RPS6KB2: variants seen among roughly 807,000 people sequenced by gnomAD.
RPS6KB2 encodes ribosomal protein S6 kinase beta-2.
A neutral mutation model predicts 58.2 loss-of-function variants in RPS6KB2; 51 were observed. That is an observed-to-expected ratio of 0.88 (90% CI 0.70 to 1.11). The LOEUF (loss-of-function observed/expected upper bound fraction) is 1.11, where lower values mean the gene tolerates loss of function less well. Among genes scored for constraint, RPS6KB2 ranks in the 50% least tolerant of loss-of-function variants. The pLI, the probability that RPS6KB2 is intolerant of heterozygous loss-of-function variation, is 0.00. For synonymous variants in RPS6KB2, 293 were observed against 258.6 expected, an observed-to-expected ratio of 1.13 and a Z score of -1.28; for missense variants, 671 against 655.8, an observed-to-expected ratio of 1.02 and a Z score of -0.25.
Position 67,435,094 on chromosome 11 carries a change from C to T in RPS6KB2, c.1374C>T (p.Thr458=), listed in dbSNP as rs774987086. 1.2e-6 allele frequency: 2 copies of T among 1,609,428 alleles called. No individual in the cohort carries two copies. The highest frequency in any genetic ancestry group is 1.7e-6 in the Non-Finnish European group (2 of 1,179,328). The change falls in exon 15 of 15, where the codon ACC becomes ACT. Residue 458 remains threonine (T), a synonymous_variant. Transcript: ENST00000312629. ...TCCTGCCACCGCCGCCGCCCTCGAC[C>T]ACCGCCCCTCTCCCCATCCGTCCCC... The part of the protein sequence containing the change: ...PPLLPPPPPS[T]TAPLPIRPPS...
At position 67,434,450 on chromosome 11, in the gene RPS6KB2, C is replaced by T; in HGVS notation, c.1121C>T (p.Thr374Ile). 1 of 1,612,850 alleles carries T rather than the reference C, an allele frequency of 6.2e-7. No individual in the cohort carries two copies. The highest frequency in any genetic ancestry group is 1.1e-5 in the South Asian group (1 of 91,076). The change falls in exon 13 of 15, where the codon ACA becomes ATA. Residue 374 changes from threonine to isoleucine, a missense_variant. Coordinates refer to ENST00000312629, the MANE Select transcript of RPS6KB2 (RefSeq NM_003952.3). ...ACGCCGGTGGACAGTCCTGATGACA[C>T]AGCCCTCAGCGAGAGTGCCAACCAG... is the stretch of plus-strand genomic sequence containing the variant. ...RQTPVDSPDD[T>I]ALSESANQAF... is the part of the protein sequence containing the mutation.
In RPS6KB2 at chr11:67,433,182, T is replaced by TG; in HGVS notation, c.769dup (p.Ala257GlyfsTer24). ...AACCGGGCTGTGGACTGGTGGAGCC[T>TG]GGGGGCCCTGATGTACGACATGCTC... On this transcript the variant is annotated frameshift_variant, in exon 9 of 15. Transcript: ENST00000312629. LOFTEE classifies it high-confidence loss of function. 1.2e-6 allele frequency: 2 copies of TG among 1,605,410 alleles called. No homozygotes were observed. The highest frequency in any genetic ancestry group is 1.7e-6 in the Non-Finnish European group (2 of 1,177,938).
chr11:67,435,133 G>C lies in RPS6KB2; in HGVS notation c.1413G>C (p.Lys471Asn). The change falls in exon 15 of 15, where the codon AAG becomes AAC. Residue 471 changes from lysine to asparagine, a missense_variant. Physicochemically the swap from Lys to Asn is moderately conservative, Grantham distance 94. Coordinates refer to ENST00000312629, the MANE Select transcript of RPS6KB2 (RefSeq NM_003952.3). ...PLPIRPPSGT[K>N]KSKRGRGRPG... ...CCATCCGTCCCCCCTCAGGGACCAA[G>C]AAGTCCAAGAGGGGCCGTGGGCGTC... is the stretch of plus-strand genomic sequence containing the variant. 1 of 1,600,788 alleles carries C rather than the reference G, an allele frequency of 6.2e-7. No individual in the cohort carries two copies. The highest frequency in any genetic ancestry group is 8.5e-7 in the Non-Finnish European group (1 of 1,177,128).
chr11:67,434,852 G>A (rs953813848), intron 14 of RPS6KB2, 137 bp from the exon 15 acceptor site: 14 of 1,034,984 alleles, frequency 1.4e-5, no homozygotes, highest in Non-Finnish European at 2.0e-5. Context: ...CTTGTGGCCA[G>A]GCTGCCTGGA....
intron 14 of RPS6KB2, 69 bp from the exon 15 acceptor site, chr11:67,434,920 C>A (rs905407954): frequency 1.4e-6 from 2 of 1,464,060 alleles, no homozygotes; most frequent in Non-Finnish European, 1.9e-6. Flanking sequence ...GGCTGCCTTC[C>A]CTGACTGAGT....
Position 67,428,542 on chromosome 11 carries a change from C to T in RPS6KB2, c.-4C>T. 6.2e-7 allele frequency: 1 copy of T among 1,606,088 alleles called. No homozygotes were observed. The highest frequency in any genetic ancestry group is 8.5e-7 in the Non-Finnish European group (1 of 1,176,472). On this transcript the variant is annotated 5_prime_UTR_variant, in exon 1 of 15. Coordinates refer to ENST00000312629, the MANE Select transcript of RPS6KB2 (RefSeq NM_003952.3). ...GCCGACGGGCCCGCGGGGCCGGCGCCGCCATGGCGGCCGTGTTTGATTTGG... is the reference window on the plus strand; with the variant it reads ...GCCGACGGGCCCGCGGGGCCGGCGCTGCCATGGCGGCCGTGTTTGATTTGG...
In RPS6KB2 at chr11:67,428,532, G is replaced by T. The variant is rs1863914607; in HGVS notation, c.-14G>T. The T allele has an allele frequency of 6.2e-7, 1 of 1,601,604 alleles. No individual in the cohort carries two copies. Among genetic ancestry groups the T allele is most frequent in the Non-Finnish European group, 8.5e-7 (1 of 1,174,142 alleles). On this transcript the variant is annotated 5_prime_UTR_variant, in exon 1 of 15. Coordinates refer to ENST00000312629, the MANE Select transcript of RPS6KB2 (RefSeq NM_003952.3). ...CCAGGTACGGGCCGACGGGCCCGCGGGGCCGGCGCCGCCATGGCGGCCGTG... is the reference window on the plus strand; with the variant it reads ...CCAGGTACGGGCCGACGGGCCCGCGTGGCCGGCGCCGCCATGGCGGCCGTG...
At position 67,435,325 on chromosome 11, in the gene RPS6KB2, G is replaced by C; in HGVS notation, c.*156G>C. ...TGTCTGCTGGGGCAGCTGTGCCCCT[G>C]AATCATGGGCACGGAGGGCCGCCCG... On this transcript the variant is annotated 3_prime_UTR_variant, in exon 15 of 15. Transcript: ENST00000312629. 1 of 770,888 alleles carries C rather than the reference G, an allele frequency of 1.3e-6. No individual in the cohort carries two copies. The highest frequency in any genetic ancestry group is 1.9e-5 in the South Asian group (1 of 52,932). 47.8% of individuals were successfully genotyped at this position (770,888 alleles called of 1,614,324 possible).
chr11:67,431,576 G>C, intron 5 of RPS6KB2, 61 bp downstream of exon 5: 1 of 1,559,808 alleles, frequency 6.4e-7, no homozygotes, highest in Non-Finnish European at 8.8e-7. Flanking sequence ...AGCCAGCAAA[G>C]GAAGCTCTGG....
intron 4 of RPS6KB2, chr11:67,430,657 C>A (rs1435744868): frequency 6.6e-6 from 1 of 152,086 alleles, no homozygotes; most frequent in Non-Finnish European, 1.5e-5. Context: ...TGGTCTCGAA[C>A]TCCTGACCTC....
Position 67,433,835 on chromosome 11 carries a change from T to C in RPS6KB2, c.907-160T>C, listed in dbSNP as rs139923587. Among the ~76,000 whole-genome samples the C allele has an allele frequency of 2.2e-3, 333 of 152,330 alleles. 1 individual carries two copies. Among genetic ancestry groups the C allele is most frequent in the African/African-American group, 7.7e-3 (321 of 41,568 alleles). ...AGCCTTTGTGGAGAAGGTGGCTCCA[T>C]TGACCAAACCTTGAAAGCCCTGAGG... On this transcript the variant is annotated intron_variant, in intron 10 of 14. Coordinates refer to ENST00000312629, the MANE Select transcript of RPS6KB2 (RefSeq NM_003952.3).
In RPS6KB2 at chr11:67,428,605, G is replaced by T. The variant is rs886933958; in HGVS notation, c.60G>T (p.Glu20Asp). ...ETEEGSEGEG[E>D]PELSPADACP... ...AGGAAGGCAGCGAGGGCGAGGGCGA[G>T]CCAGAGCTCAGCCCCGCGGTGAGTG... The change falls in exon 1 of 15, where the codon GAG (glutamate) becomes GAT (aspartate). Residue 20 changes from glutamate to aspartate, a missense_variant. Transcript: ENST00000312629. 33 of 1,610,794 alleles carry T rather than the reference G, an allele frequency of 2.0e-5. No homozygotes were observed. The East Asian group carries it at 7.4e-4, about 36-fold the overall frequency.
chr11:67,432,401 C>T (rs1864056612), intron 5 of RPS6KB2, 199 bp from the exon 6 acceptor site: 1 of 704,296 alleles, frequency 1.4e-6, no homozygotes, highest in Non-Finnish European at 2.6e-6. Context: ...ATCCTGTCCC[C>T]AGCTTCACCC....
chr11:67,434,723 G>A, intron 14 of RPS6KB2, 29 bp downstream of exon 14: 1 of 1,536,784 alleles, frequency 6.5e-7, no homozygotes, highest in Admixed American at 1.9e-5. Flanking sequence ...GTGTGTGGCT[G>A]GGTTAGGGAC....
chr11:67,431,919 G>A (rs1403845287), intron 5 of RPS6KB2: 4 of 270,478 alleles, frequency 1.5e-5, no homozygotes, highest in Non-Finnish European at 2.9e-5. Flanking sequence ...GGCCTGGTGG[G>A]GTGGCCAGAG....
At chr11:67,432,234 T>A (rs187567676) in intron 5 of RPS6KB2, 2 of 507,766 alleles carry the variant, frequency 3.9e-6, no homozygotes, top group East Asian at 5.3e-5. Context: ...TCTGTTCTGT[T>A]CTGTTGGGAT....
chr11:67,435,360 G>A lies in RPS6KB2; in HGVS notation c.*191G>A, dbSNP rs1037401263. 72 of 625,458 alleles carry A rather than the reference G, an allele frequency of 1.2e-4. No individual in the cohort carries two copies. The highest frequency in any genetic ancestry group is 6.8e-4 in the African/African-American group (37 of 54,330). The allele number at this position is 625,458 out of a possible 1,614,324, so 38.7% of individuals were successfully genotyped here. A position where few individuals can be genotyped will look rare whatever the true frequency, so the allele number is the denominator to read the frequency against. The stretch of plus-strand genomic sequence containing the variant: ...CACGGAGGGCCGCCCGCCACGCCCC[G>A]CGCTCAACTGCTCCCGTGGAAGATT... On this transcript the variant is annotated 3_prime_UTR_variant, in exon 15 of 15. Transcript: ENST00000312629.
chr11:67,435,285 G>A lies in RPS6KB2; in HGVS notation c.*116G>A. 1 of 979,514 alleles carries A rather than the reference G, an allele frequency of 1.0e-6. No individual in the cohort carries two copies. The highest frequency in any genetic ancestry group is 1.7e-5 in the South Asian group (1 of 58,146). The allele number at this position is 979,514 out of a possible 1,614,324, so 60.7% of individuals were successfully genotyped here. On this transcript the variant is annotated 3_prime_UTR_variant, in exon 15 of 15. Coordinates refer to ENST00000312629, the MANE Select transcript of RPS6KB2 (RefSeq NM_003952.3). ...GTGTGTCTGGGGGTGGGGTGTGAGT[G>A]CGTATGAAAGTGTGTGTCTGCTGGG... is the stretch of plus-strand genomic sequence containing the variant.
At chr11:67,432,512 C>A (rs1864060874) in intron 5 of RPS6KB2, 88 bp from the exon 6 acceptor site, 2 of 1,400,124 alleles carry the variant, frequency 1.4e-6, no homozygotes, top group Non-Finnish European at 2.0e-6. Context: ...GAATTATGAG[C>A]CCCTCTTTCC....
Sources: gnomAD v4.1 joint callset for allele counts (sites outside exome capture counted in the v4.1 genomes callset) on GRCh38, gnomAD v4.1.1 for gene constraint, MANE v1.5 for transcripts, NCBI Gene and HGNC (gene_info 2026-07-23, HGNC 2026-07-21) for gene names.